Variants in SNX29 observed in about 807,000 individuals in gnomAD.
SNX29 encodes the protein sorting nexin 29.
A neutral mutation model predicts 102.1 loss-of-function variants in SNX29; 78 were observed. That is an observed-to-expected ratio of 0.76 (90% CI 0.64 to 0.92). The LOEUF is 0.92. Ranked by LOEUF, SNX29 falls within the 40% of genes least tolerant of loss-of-function variation. The pLI is 0.00. For synonymous variants in SNX29, 580 were observed against 414.5 expected (o/e 1.40, Z -4.85); for missense variants, 1,280 against 1,061.7 (o/e 1.21, Z -2.86).
intron 16 of SNX29, among the ~76,000 whole-genome samples, chr16:12,366,042 CAAAAAAAAA>C (rs55895030): frequency 6.9e-5 from 5 of 72,440 alleles, no homozygotes; most frequent in African/African-American, 8.9e-5. Context: ...ACTCTTGTCT[CAAAAAAAAA>C]AAAAAAAAAA....
intron 1 of SNX29, among the ~76,000 whole-genome samples, chr16:11,993,397 G>C (rs973079946): frequency 1.3e-5 from 2 of 152,050 alleles, no homozygotes; most frequent in African/African-American, 4.8e-5. Flanking sequence ...GGCTTGGATT[G>C]AATTGCTTTG....
At chr16:12,342,522 G>A (rs1172463640) in intron 15 of SNX29, among the ~76,000 whole-genome samples, 1 of 152,172 alleles carries the variant, frequency 6.6e-6, no homozygotes, top group Non-Finnish European at 1.5e-5. Flanking sequence ...TCTTTCCATT[G>A]TAATGTCTGT....
In SNX29 at chr16:12,066,693, G is replaced by A. The variant is rs540151341; in HGVS notation, c.1244-2364G>A. 7.3e-5 allele frequency among the ~76,000 whole-genome samples: 11 copies of A among 151,628 alleles called. No individual in the cohort carries two copies. The South Asian group carries it at 2.1e-3, about 29-fold the overall frequency. On this transcript the variant is annotated intron_variant, in intron 9 of 20. Transcript: ENST00000566228. ...AGAAAAGATGGTGGGGAGGAGGGCCGGAGATTAGTGTTGGGAAGGTTGAGA... is the reference window on the plus strand; with the variant it reads ...AGAAAAGATGGTGGGGAGGAGGGCCAGAGATTAGTGTTGGGAAGGTTGAGA...
At chr16:12,296,226 A>G (rs2079976731) in intron 15 of SNX29, among the ~76,000 whole-genome samples, 1 of 152,166 alleles carries the variant, frequency 6.6e-6, no homozygotes, top group African/African-American at 2.4e-5. Flanking sequence ...TCCTGGTGTT[A>G]GAGGTTTGAA....
Position 12,557,015 on chromosome 16 carries a change from A to ACACCCCCCCC in SNX29, c.2319-11490_2319-11489insACCCCCCCCC, listed in dbSNP as rs66825746. On this transcript the variant is annotated intron_variant, in intron 20 of 20. Transcript: ENST00000566228. ...GGTACACACCACATCTGGCTAATTT[A>ACACCCCCCCC]CCCCCCCCCCGCCCCAAGATGAGGT... is the stretch of plus-strand genomic sequence containing the variant. Among the ~76,000 whole-genome samples the ACACCCCCCCC allele has an allele frequency of 1.4e-3, 46 of 31,808 alleles. 3 individuals carry two copies. The highest frequency in any genetic ancestry group is 3.4e-3 in the South Asian group (3 of 876). The allele number at this position is 31,808 out of a possible 152,430, so 20.9% of individuals were successfully genotyped here. A position where few individuals can be genotyped will look rare whatever the true frequency, so the allele number is the denominator to read the frequency against.
intron 4 of SNX29, among the ~76,000 whole-genome samples, chr16:12,042,430 CA>C (rs2049919068): frequency 6.6e-6 from 1 of 152,232 alleles, no homozygotes; most frequent in African/African-American, 2.4e-5. Flanking sequence ...ATCTCCCAGG[CA>C]GTGAACATAG....
Position 12,572,644 on chromosome 16 carries a change from C to G in SNX29, c.*4015C>G, listed in dbSNP as rs2079212205. Reference sequence around the variant, plus strand: ...CCAGAATCCATCCTTCATTCCTCCACCAAGCTCCTGTGTGAGCTGCAGCAC... The same window carrying G: ...CCAGAATCCATCCTTCATTCCTCCAGCAAGCTCCTGTGTGAGCTGCAGCAC... On this transcript the variant is annotated 3_prime_UTR_variant, in exon 21 of 21. Transcript: ENST00000566228. 1 of 1,063,730 alleles carries G rather than the reference C, an allele frequency of 9.4e-7. No individual in the cohort carries two copies. Among genetic ancestry groups the G allele is most frequent in the Non-Finnish European group, 1.1e-6 (1 of 878,420 alleles). The allele number at this position is 1,063,730 out of a possible 1,614,324, so 65.9% of individuals were successfully genotyped here.
intron 19 of SNX29, among the ~76,000 whole-genome samples, chr16:12,511,213 G>A (rs1025361705): frequency 1.3e-5 from 2 of 152,106 alleles, no homozygotes; most frequent in African/African-American, 4.8e-5. Flanking sequence ...TAGCAAAGCC[G>A]CAGGTCTCCT....
At chr16:12,390,086 A>G (rs541577420) in intron 16 of SNX29, among the ~76,000 whole-genome samples, 1 of 152,060 alleles carries the variant, frequency 6.6e-6, no homozygotes, top group East Asian at 1.9e-4. Context: ...GATCCTTAAA[A>G]GTCTGTTGAT....
chr16:12,230,113 A>G lies in SNX29; in HGVS notation c.1678+30430A>G, dbSNP rs184885818. 1.7e-3 allele frequency among the ~76,000 whole-genome samples: 256 copies of G among 152,356 alleles called. 1 individual carries two copies. Among genetic ancestry groups the G allele is most frequent in the Admixed American group, 3.3e-3 (50 of 15,304 alleles). On this transcript the variant is annotated intron_variant, in intron 14 of 20. Coordinates refer to ENST00000566228, the MANE Select transcript of SNX29 (RefSeq NM_032167.5). ...TCAGCCCGGATTTAGCCTCAGGGCC[A>G]TAGTTTGTACACGTCTGTTCTAGGA...
In SNX29 at chr16:12,571,622, C is replaced by CT. The variant is rs758863906; in HGVS notation, c.*3000dup. On this transcript the variant is annotated 3_prime_UTR_variant, in exon 21 of 21. Transcript: ENST00000566228. ...GAACAGCAGGTTCCATCTTTCACAT[C>CT]TTTTTTTCTCCCCCAGATGAAAGAC... 2.5e-5 allele frequency: 26 copies of CT among 1,059,382 alleles called. No homozygotes were observed. The highest frequency in any genetic ancestry group is 1.1e-4 in the Admixed American group (2 of 18,516). The allele number at this position is 1,059,382 out of a possible 1,614,324, so 65.6% of individuals were successfully genotyped here. A position where few individuals can be genotyped will look rare whatever the true frequency, so the allele number is the denominator to read the frequency against.
intron 13 of SNX29, among the ~76,000 whole-genome samples, chr16:12,146,457 G>A (rs534048138): frequency 6.6e-6 from 1 of 152,178 alleles, no homozygotes; most frequent in Admixed American, 6.5e-5. Flanking sequence ...ATAGAGATGG[G>A]GTTTTGCCAT....
At chr16:12,197,463 T>G (rs1567301735) in intron 13 of SNX29, among the ~76,000 whole-genome samples, 1 of 151,824 alleles carries the variant, frequency 6.6e-6, no homozygotes, top group South Asian at 2.1e-4. Context: ...CCCAGATACT[T>G]GGGAGGCTGA....
At chr16:12,366,285 A>G (rs911983089) in intron 16 of SNX29, among the ~76,000 whole-genome samples, 2 of 152,108 alleles carry the variant, frequency 1.3e-5, no homozygotes, top group African/African-American at 4.8e-5. Flanking sequence ...TCCCAAAATT[A>G]TTTCCCCAAG....
intron 3 of SNX29, among the ~76,000 whole-genome samples, chr16:12,013,483 T>TG (rs199497475): frequency 0.03 from 578 of 19,252 alleles, 40 homozygotes; most frequent in African/African-American, 0.076. Context: ...CTGTCTCTAC[T>TG]GGGGGAAAAA....
intron 19 of SNX29, among the ~76,000 whole-genome samples, chr16:12,503,364 A>G (rs2089217686): frequency 6.6e-6 from 1 of 152,132 alleles, no homozygotes; most frequent in African/African-American, 2.4e-5. Context: ...AAAGTGGTTG[A>G]GGGGAGGCTG....
At chr16:12,073,925 G>A (rs2051421704) in intron 10 of SNX29, among the ~76,000 whole-genome samples, 1 of 151,800 alleles carries the variant, frequency 6.6e-6, no homozygotes, top group Non-Finnish European at 1.5e-5. Context: ...TTATGTAATG[G>A]CCTTCTTTGT....
intron 11 of SNX29, among the ~76,000 whole-genome samples, chr16:12,124,355 CA>C (rs5815668): frequency 2.5e-4 from 33 of 130,456 alleles, no homozygotes; most frequent in Non-Finnish European, 2.7e-4. Flanking sequence ...GACTCCGTCT[CA>C]AAAAAAAAAA....
At chr16:12,099,650 C>A (rs1733848913) in intron 11 of SNX29, among the ~76,000 whole-genome samples, 1 of 152,152 alleles carries the variant, frequency 6.6e-6, no homozygotes, top group African/African-American at 2.4e-5. Flanking sequence ...CTGACCATGC[C>A]CTCTACCCTT....
Sources: allele counts gnomAD v4.1 joint callset (sites outside exome capture counted in the v4.1 genomes callset), GRCh38; gene constraint gnomAD v4.1.1; transcripts MANE v1.5; gene names NCBI Gene and HGNC (gene_info 2026-07-23, HGNC 2026-07-21).